SPTBN1: variants seen among roughly 807,000 people sequenced by gnomAD.
SPTBN1 encodes spectrin beta, non-erythrocytic 1.
A neutral mutation model predicts 266.4 loss-of-function variants in SPTBN1; 32 were observed. That is an observed-to-expected ratio of 0.12 (90% CI 0.09 to 0.16). The LOEUF (loss-of-function observed/expected upper bound fraction) is 0.16, where lower values mean the gene tolerates loss of function less well. Among genes scored for constraint, SPTBN1 ranks in the 10% least tolerant of loss-of-function variants. SPTBN1 has a pLI of 1.00. For missense variants in SPTBN1, 2,296 were observed against 3,067.1 expected (o/e 0.75, Z 5.94); for synonymous variants, 1,336 against 1,162.2 (o/e 1.15, Z -3.04).
In SPTBN1 at chr2:54,456,907, CCCCTGGCGCGGAGGT is replaced by C. The variant is rs1277238380; in HGVS notation, c.-48+390_-48+404del. On this transcript the variant is annotated intron_variant, in intron 1 of 35. Coordinates refer to ENST00000356805, the MANE Select transcript of SPTBN1 (RefSeq NM_003128.3). ...GGCGCGGCGGCCCCTGACGCGGAGG[CCCCTGGCGCGGAGGT>C]GGGTGCGGAGCGGACAGCGGACAGC... Among the ~76,000 whole-genome samples the C allele has an allele frequency of 6.0e-5, 9 of 150,812 alleles. No homozygotes were observed. In the South Asian group the frequency reaches 1.7e-3, roughly 28 times the overall value.
Position 54,628,958 on chromosome 2 carries a change from G to C in SPTBN1, c.1824G>C (p.Val608=). The change falls in exon 14 of 36, where the codon GTG becomes GTC. Residue 608 remains valine, a synonymous_variant. Transcript: ENST00000356805. The surrounding 1 kb of genome is among the most constrained non-coding windows in gnomAD (Gnocchi z 4.3). ...GEGYKPCDPQ[V]IRDRVAHMEF... The stretch of plus-strand genomic sequence containing the variant: ...GTTACAAGCCCTGTGACCCCCAGGT[G>C]ATCCGAGACCGCGTGGCCCACATGG... The C allele has an allele frequency of 6.2e-7, 1 of 1,608,384 alleles. No individual in the cohort carries two copies. Among genetic ancestry groups the C allele is most frequent in the Non-Finnish European group, 8.5e-7 (1 of 1,177,070 alleles).
Position 54,649,597 on chromosome 2 carries a change from T to C in SPTBN1, c.5203-18T>C. The stretch of plus-strand genomic sequence containing the variant: ...TTCACAGTGGGCTCTCTGATTTCCT[T>C]ACCCATCCCCGTTTCAGATGTTACA... On this transcript the variant is annotated intron_variant, in intron 25 of 35. Transcript: ENST00000356805. This position sits in a 1 kb window ranked among gnomAD's most constrained non-coding sequence, Gnocchi z 6.7. 1 of 1,601,516 alleles carries C rather than the reference T, an allele frequency of 6.2e-7. No individual in the cohort carries two copies. Among genetic ancestry groups the C allele is most frequent in the African/African-American group, 1.3e-5 (1 of 74,814 alleles).
chr2:54,649,583 C>T lies in SPTBN1; in HGVS notation c.5203-32C>T. The stretch of plus-strand genomic sequence containing the variant: ...CAAGAAATACAGAGTTCACAGTGGG[C>T]TCTCTGATTTCCTTACCCATCCCCG... On this transcript the variant is annotated intron_variant, in intron 25 of 35. Coordinates refer to ENST00000356805, the MANE Select transcript of SPTBN1 (RefSeq NM_003128.3). This position sits in a 1 kb window ranked among gnomAD's most constrained non-coding sequence, Gnocchi z 6.7. 1 of 1,596,440 alleles carries T rather than the reference C, an allele frequency of 6.3e-7. No individual in the cohort carries two copies. The highest frequency in any genetic ancestry group is 8.6e-7 in the Non-Finnish European group (1 of 1,167,246).
At chr2:54,482,730 C>G (rs1201802072) in intron 1 of SPTBN1, among the ~76,000 whole-genome samples, 6 of 152,162 alleles carry the variant, frequency 3.9e-5, no homozygotes, top group African/African-American at 1.4e-4. Flanking sequence ...ACATTTCCAT[C>G]ACAGCAGACA....
chr2:54,665,611 A>G (rs1028955563), intron 33 of SPTBN1, among the ~76,000 whole-genome samples: 4 of 152,178 alleles, frequency 2.6e-5, no homozygotes, highest in African/African-American at 4.8e-5. Context: ...AAAGAGTACT[A>G]AATACCAATC....
In SPTBN1 at chr2:54,621,530, T is replaced by G. The variant is rs750710781; in HGVS notation, c.876+18T>G. ...TTGGAAAGGTGAGCTGGTGCCAATT[T>G]TGTGAGTTGTGAGACATAATTAAGG... On this transcript the variant is annotated intron_variant, in intron 8 of 35. Transcript: ENST00000356805. The G allele has an allele frequency of 1.9e-6, 3 of 1,581,584 alleles. No homozygotes were observed. Among genetic ancestry groups the G allele is most frequent in the Non-Finnish European group, 2.6e-6 (3 of 1,150,632 alleles).
chr2:54,633,591 G>T (rs1212966297), intron 17 of SPTBN1, among the ~76,000 whole-genome samples: 2 of 152,208 alleles, frequency 1.3e-5, no homozygotes, highest in African/African-American at 4.8e-5. Context: ...GCACAGGCCA[G>T]TCTGGGCCAG....
intron 1 of SPTBN1, among the ~76,000 whole-genome samples, chr2:54,517,540 A>T (rs1670177701): frequency 6.6e-6 from 1 of 152,156 alleles, no homozygotes; most frequent in Non-Finnish European, 1.5e-5. Context: ...TATTAACAAG[A>T]GTTTAGTAAT....
intron 3 of SPTBN1, among the ~76,000 whole-genome samples, chr2:54,611,250 A>G (rs1558425965): frequency 1.3e-5 from 2 of 152,120 alleles, no homozygotes; most frequent in Non-Finnish European, 2.9e-5. Context: ...GAATCTTTTC[A>G]AATTGTCACC....
chr2:54,468,692 C>G (rs1488044473), intron 1 of SPTBN1, among the ~76,000 whole-genome samples: 3 of 152,184 alleles, frequency 2.0e-5, no homozygotes, highest in Non-Finnish European at 4.4e-5. Context: ...AGCTGTTTCT[C>G]TTTTATGAAT....
chr2:54,583,834 C>T (rs1675107503), intron 2 of SPTBN1, among the ~76,000 whole-genome samples: 1 of 152,160 alleles, frequency 6.6e-6, no homozygotes, highest in African/African-American at 2.4e-5. Flanking sequence ...TTTATTCCTA[C>T]TCATCAGTCC....
chr2:54,496,395 GC>G (rs1419857878), intron 1 of SPTBN1, among the ~76,000 whole-genome samples: 1 of 141,478 alleles, frequency 7.1e-6, no homozygotes, highest in Non-Finnish European at 1.5e-5. Flanking sequence ...CCGAGATTGC[GC>G]CACTGCACTC....
chr2:54,473,851 G>A lies in SPTBN1; in HGVS notation c.-48+17333G>A, dbSNP rs550172750. Among the ~76,000 whole-genome samples the A allele has an allele frequency of 5.3e-5, 8 of 152,250 alleles. No individual in the cohort carries two copies. The South Asian group carries it at 1.7e-3, about 32-fold the overall frequency. ...TGTATATGGGATGTTCTGTCTCCTC[G>A]TCTGTATGCCTTGTACTGGCACAAG... On this transcript the variant is annotated intron_variant, in intron 1 of 35. Coordinates refer to ENST00000356805, the MANE Select transcript of SPTBN1 (RefSeq NM_003128.3).
chr2:54,610,949 C>T lies in SPTBN1; in HGVS notation c.301-1212C>T, dbSNP rs147263509. ...ACGTGGAGATGATTAGCATCATAGG[C>T]ATTTTAAGTAGGCACTCAACAATAC... On this transcript the variant is annotated intron_variant, in intron 3 of 35. Coordinates refer to ENST00000356805, the MANE Select transcript of SPTBN1 (RefSeq NM_003128.3). Among the ~76,000 whole-genome samples, 476 of 152,304 alleles carry T rather than the reference C, an allele frequency of 3.1e-3. 2 individuals carry two copies. Among genetic ancestry groups the T allele is most frequent in the South Asian group, 0.019 (94 of 4,828 alleles).
intron 32 of SPTBN1, chr2:54,663,160 A>G (rs755524095): frequency 6.6e-6 from 1 of 152,224 alleles, no homozygotes; most frequent in Non-Finnish European, 1.5e-5. Context: ...AGTGAGAGAT[A>G]CAGTTCCCAA....
intron 2 of SPTBN1, among the ~76,000 whole-genome samples, chr2:54,578,346 T>G (rs1019719227): frequency 6.6e-6 from 1 of 152,240 alleles, no homozygotes; most frequent in Non-Finnish European, 1.5e-5. Context: ...TTCTTGACTT[T>G]AAATATTTTC....
chr2:54,568,183 C>G (rs1308329477), intron 2 of SPTBN1, among the ~76,000 whole-genome samples: 2 of 151,936 alleles, frequency 1.3e-5, no homozygotes, highest in South Asian at 4.2e-4. Flanking sequence ...GAGTTCGAGA[C>G]CAGCCTGGCC....
intron 11 of SPTBN1, among the ~76,000 whole-genome samples, chr2:54,625,238 A>T (rs569715300): frequency 6.6e-6 from 1 of 152,310 alleles, no homozygotes; most frequent in South Asian, 2.1e-4. Context: ...ATAAGTTTTA[A>T]CAGTTTCTCT....
At chr2:54,623,848 T>C (rs911723119) in intron 10 of SPTBN1, among the ~76,000 whole-genome samples, 2 of 152,248 alleles carry the variant, frequency 1.3e-5, no homozygotes, top group African/African-American at 4.8e-5. Flanking sequence ...TACACCTTGC[T>C]ACTCAGATAC....
Sources: gnomAD v4.1 joint callset for allele counts (sites outside exome capture counted in the v4.1 genomes callset) on GRCh38, gnomAD v4.1.1 for gene constraint, Gnocchi (gnomAD v3.1) non-coding constraint, MANE v1.5 for transcripts, NCBI Gene and HGNC (gene_info 2026-07-23, HGNC 2026-07-21) for gene names.